Variants in CCDC102B observed in about 807,000 individuals in gnomAD.
CCDC102B encodes coiled-coil domain-containing protein 102B.
CCDC102B carries 75 observed loss-of-function variants against 57.4 expected under a neutral mutation model. The ratio of observed to expected loss-of-function variants is 1.31; its 90% confidence interval spans 1.08 to 1.58. The LOEUF (loss-of-function observed/expected upper bound fraction) is 1.58. Among genes scored for constraint, CCDC102B ranks in the 40% most tolerant of loss-of-function variants. CCDC102B has a pLI of 0.00. For missense variants in CCDC102B, 636 were observed against 582.6 expected (o/e 1.09, Z -0.94); for synonymous variants, 206 against 201.9 (o/e 1.02, Z -0.17).
chr18:68,778,650 G>T (rs777391931), intron 2 of CCDC102B, among the ~76,000 whole-genome samples: 1 of 151,892 alleles, frequency 6.6e-6, no homozygotes, highest in Non-Finnish European at 1.5e-5. Context: ...CCCAAATCCC[G>T]CATGCATAAC....
At chr18:68,744,998 A>G (rs1460046276) in intron 2 of CCDC102B, among the ~76,000 whole-genome samples, 1 of 152,164 alleles carries the variant, frequency 6.6e-6, no homozygotes, top group Non-Finnish European at 1.5e-5. Context: ...GGACCATGGC[A>G]TTAACCCAGA....
chr18:68,757,341 A>T (rs539461744), intron 2 of CCDC102B, among the ~76,000 whole-genome samples: 2 of 152,208 alleles, frequency 1.3e-5, no homozygotes, highest in Non-Finnish European at 2.9e-5. Flanking sequence ...AGGAATCCTT[A>T]TAAGATAAAA....
At chr18:69,028,376 G>A (rs1407258831) in intron 7 of CCDC102B, among the ~76,000 whole-genome samples, 1 of 152,190 alleles carries the variant, frequency 6.6e-6, no homozygotes, top group Non-Finnish European at 1.5e-5. Context: ...GGAGGTAGTT[G>A]GGAGAGAGTG....
At chr18:68,765,074 T>TAAATAAATAAATAAATAAATAAAG (rs1053677471) in intron 2 of CCDC102B, among the ~76,000 whole-genome samples, 148 of 148,022 alleles carry the variant, frequency 1.0e-3, no homozygotes, top group African/African-American at 3.6e-3. Flanking sequence ...AATAAATAAA[T>TAAATAAATAAATAAATAAATAAAG]AAGCTGGGGA....
chr18:68,931,820 C>T (rs138508199), intron 6 of CCDC102B, among the ~76,000 whole-genome samples: 1 of 152,000 alleles, frequency 6.6e-6, no homozygotes, highest in East Asian at 1.9e-4. Flanking sequence ...AAAACTCAGT[C>T]ACATGACCAT....
At chr18:68,907,858 T>G (rs1458824787) in intron 6 of CCDC102B, among the ~76,000 whole-genome samples, 1 of 152,234 alleles carries the variant, frequency 6.6e-6, no homozygotes, top group Non-Finnish European at 1.5e-5. Flanking sequence ...ACGCTTGTAT[T>G]GGGGCTCATC....
intron 2 of CCDC102B, among the ~76,000 whole-genome samples, chr18:68,765,361 GAA>G (rs1172776628): frequency 1.3e-4 from 17 of 126,648 alleles, no homozygotes; most frequent in African/African-American, 4.5e-4. Context: ...AAGAAAGAAA[GAA>G]AGAAAGAAAG....
intron 4 of CCDC102B, among the ~76,000 whole-genome samples, chr18:68,867,325 T>C (rs560237490): frequency 6.6e-6 from 1 of 152,062 alleles, no homozygotes; most frequent in South Asian, 2.1e-4. Context: ...GGCTGCAAAA[T>C]CTTCCCTTTT....
chr18:68,956,494 TAAAATA>T (rs2049885626), intron 6 of CCDC102B, among the ~76,000 whole-genome samples: 1 of 58,736 alleles, frequency 1.7e-5, no homozygotes, highest in Admixed American at 2.8e-4. Context: ...AATATATATA[TAAAATA>T]TATAATATAT....
At chr18:68,761,840 T>G (rs1423424088) in intron 2 of CCDC102B, among the ~76,000 whole-genome samples, 2 of 152,140 alleles carry the variant, frequency 1.3e-5, no homozygotes, top group African/African-American at 4.8e-5. Flanking sequence ...TGACTTATTT[T>G]TAAAATCGTT....
At chr18:68,759,267 G>A (rs574487300) in intron 2 of CCDC102B, among the ~76,000 whole-genome samples, 1 of 152,064 alleles carries the variant, frequency 6.6e-6, no homozygotes, top group Non-Finnish European at 1.5e-5. Flanking sequence ...CCAGCTAATT[G>A]AGATAAGATA....
chr18:68,932,185 A>G (rs75412415), intron 6 of CCDC102B, among the ~76,000 whole-genome samples: 1,863 of 151,980 alleles, frequency 0.012, 19 homozygotes, highest in East Asian at 0.034. Context: ...TCCTGACACT[A>G]GATAACCTAC....
intron 6 of CCDC102B, among the ~76,000 whole-genome samples, chr18:68,905,594 AGC>A (rs2040600665): frequency 3.6e-4 from 1 of 2,766 alleles, no homozygotes; most frequent in Non-Finnish European, 8.4e-4. Flanking sequence ...CGCCCTGTCT[AGC>A]CCTGTCTATT....
intron 5 of CCDC102B, among the ~76,000 whole-genome samples, chr18:68,890,861 A>G (rs1568313716): frequency 6.6e-6 from 1 of 152,140 alleles, no homozygotes; most frequent in Non-Finnish European, 1.5e-5. Context: ...GTTCATAAAC[A>G]TTTGTTTCAT....
intron 5 of CCDC102B, 125 bp from the exon 6 acceptor site, chr18:68,897,094 C>T (rs1041036316): frequency 4.5e-6 from 3 of 672,052 alleles, no homozygotes; most frequent in South Asian, 4.6e-5. Flanking sequence ...ATAGAATTTT[C>T]TTTTTAAAAT....
At chr18:68,977,800 C>T (rs1427173945) in intron 6 of CCDC102B, among the ~76,000 whole-genome samples, 2 of 151,944 alleles carry the variant, frequency 1.3e-5, no homozygotes, top group Admixed American at 6.6e-5. Context: ...TAAAATTCAG[C>T]ATGAACATTG....
chr18:68,959,237 A>G (rs912861079), intron 6 of CCDC102B, among the ~76,000 whole-genome samples: 3 of 152,218 alleles, frequency 2.0e-5, no homozygotes, highest in Non-Finnish European at 4.4e-5. Context: ...TCCCAAATCC[A>G]GTAACACTGT....
chr18:68,981,425 A>G (rs1462262358), intron 6 of CCDC102B, among the ~76,000 whole-genome samples: 2 of 152,050 alleles, frequency 1.3e-5, no homozygotes, highest in Non-Finnish European at 2.9e-5. Context: ...AAGTCTTGAT[A>G]TTGTCAGATA....
At chr18:69,043,146 G>C (rs2052474094) in intron 7 of CCDC102B, among the ~76,000 whole-genome samples, 1 of 152,062 alleles carries the variant, frequency 6.6e-6, no homozygotes, top group Non-Finnish European at 1.5e-5. Context: ...CAAGGTAAAG[G>C]ATTAAGTGCT....
Sources: gnomAD v4.1 joint callset for allele counts (sites outside exome capture counted in the v4.1 genomes callset) on GRCh38, gnomAD v4.1.1 for gene constraint, MANE v1.5 for transcripts, NCBI Gene and HGNC (gene_info 2026-07-23, HGNC 2026-07-21) for gene names.